SHPRH: variants seen among roughly 807,000 people sequenced by gnomAD.
SHPRH encodes the protein SNF2 histone linker PHD RING helicase.
In SHPRH, 106 loss-of-function variants were observed where a neutral mutation model predicts 202.5. That is an observed-to-expected ratio of 0.52 (90% CI 0.45 to 0.62). The LOEUF (loss-of-function observed/expected upper bound fraction) is 0.62, where lower values mean the gene tolerates loss of function less well. Among genes scored for constraint, SHPRH ranks in the 20% least tolerant of loss-of-function variants. SHPRH has a pLI of 0.00. For synonymous variants in SHPRH, 729 were observed against 686.0 expected (o/e 1.06, Z -0.98); for missense variants, 1,710 against 2,020.0 (o/e 0.85, Z 2.94).
intron 2 of SHPRH, among the ~76,000 whole-genome samples, chr6:145,873,693 GAGGA>G (rs540366997): frequency 0.075 from 7,923 of 106,226 alleles, 892 homozygotes; most frequent in African/African-American, 0.23. Flanking sequence ...ACAGTTGCTA[GAGGA>G]AGGAAGGAAG....
intron 25 of SHPRH, among the ~76,000 whole-genome samples, chr6:145,897,624 A>G (rs760380005): frequency 2.6e-5 from 4 of 152,106 alleles, no homozygotes; most frequent in Non-Finnish European, 4.4e-5. Context: ...ACATGCAAAA[A>G]TCCTCAACAA....
At position 145,955,339 on chromosome 6, in the gene SHPRH, C is replaced by T; in HGVS notation, c.-17G>A. The T allele has an allele frequency of 6.3e-7, 1 of 1,583,430 alleles. No homozygotes were observed. The highest frequency in any genetic ancestry group is 8.6e-7 in the Non-Finnish European group (1 of 1,168,332). On this transcript the variant is annotated 5_prime_UTR_variant, in exon 2 of 30. Transcript: ENST00000275233. ...GCTGCTCATTTTCAAGTTTTCTTGG[C>T]TGGTAACTGTGAACTCTAGAGGACA...
intron 23 of SHPRH, among the ~76,000 whole-genome samples, chr6:145,916,795 T>C: frequency 6.6e-6 from 1 of 152,200 alleles, no homozygotes; most frequent in Non-Finnish European, 1.5e-5. Context: ...GTTATCTTTT[T>C]TTTTTGAGAT....
chr6:145,887,934 T>C (rs539579163), intron 29 of SHPRH, 86 bp downstream of exon 29: 5 of 1,048,548 alleles, frequency 4.8e-6, no homozygotes, highest in African/African-American at 1.6e-5. Flanking sequence ...ATATTTTTCG[T>C]TGTCATCTAA....
intron 2 of SHPRH, among the ~76,000 whole-genome samples, chr6:145,868,644 C>G (rs1325933809): frequency 6.6e-6 from 1 of 152,130 alleles, no homozygotes; most frequent in Non-Finnish European, 1.5e-5. Flanking sequence ...GATAATCTAG[C>G]TTTCTTAGAA....
At chr6:145,896,838 T>A (rs1299360838) in intron 25 of SHPRH, among the ~76,000 whole-genome samples, 1 of 151,990 alleles carries the variant, frequency 6.6e-6, no homozygotes, top group African/African-American at 2.4e-5. Flanking sequence ...ATTAAAAATA[T>A]CTTGAGACAA....
At chr6:145,884,569 C>A (rs1253046625), downstream of SHPRH, 1 of 152,078 alleles carries the variant, frequency 6.6e-6, no homozygotes. Context: ...ATTTCAGAGG[C>A]TATAAAATAA....
chr6:145,873,482 T>C (rs1490815323), intron 2 of SHPRH, among the ~76,000 whole-genome samples: 1 of 152,168 alleles, frequency 6.6e-6, no homozygotes, highest in African/African-American at 2.4e-5. Flanking sequence ...TTCTGAAAGT[T>C]ACAGGAGAAG....
chr6:145,932,219 TG>T (rs1785538215), intron 14 of SHPRH, among the ~76,000 whole-genome samples: 1 of 152,172 alleles, frequency 6.6e-6, no homozygotes, highest in South Asian at 2.1e-4. Context: ...CATATTTATA[TG>T]GAAAGGTGTG....
intron 20 of SHPRH, 40 bp downstream of exon 20, chr6:145,922,244 GTT>G: frequency 6.4e-7 from 1 of 1,550,920 alleles, no homozygotes; most frequent in South Asian, 1.2e-5. Context: ...CTTGCAAAAT[GTT>G]TCATTTTCTT....
intron 11 of SHPRH, among the ~76,000 whole-genome samples, 194 bp downstream of exon 11, chr6:145,940,529 C>T (rs1008744808): frequency 1.3e-5 from 2 of 151,992 alleles, no homozygotes; most frequent in Admixed American, 1.3e-4. Context: ...TATCGGTCCT[C>T]ATATACATAA....
At chr6:145,910,965 T>C (rs1168481277) in intron 24 of SHPRH, among the ~76,000 whole-genome samples, 1 of 152,104 alleles carries the variant, frequency 6.6e-6, no homozygotes, top group Non-Finnish European at 1.5e-5. Context: ...AGAATATTAA[T>C]TTGGAGATAA....
chr6:145,866,807 A>C (rs1779800385), intron 2 of SHPRH, among the ~76,000 whole-genome samples: 1 of 152,168 alleles, frequency 6.6e-6, no homozygotes, highest in Admixed American at 6.5e-5. Flanking sequence ...GCCACCAGAG[A>C]TTCAGGGAAC....
chr6:145,945,471 C>T lies in SHPRH; in HGVS notation c.1488G>A (p.Val496=), dbSNP rs1209205772. The T allele has an allele frequency of 6.2e-7, 1 of 1,613,038 alleles. No individual in the cohort carries two copies. The highest frequency in any genetic ancestry group is 8.5e-7 in the Non-Finnish European group (1 of 1,179,534). The part of the protein sequence containing the change: ...MLKCLIFEGL[V]KQIKGHGFSG... ...AAAAACCATGGCCTTTGATCTGTTTCACGAGACCTTCAAAAATTAAACATT... is the reference window on the plus strand; with the variant it reads ...AAAAACCATGGCCTTTGATCTGTTTTACGAGACCTTCAAAAATTAAACATT... Residue 496 remains valine (V), a synonymous_variant, in exon 8 of 30, where the codon GTG becomes GTA. Coordinates refer to ENST00000275233, the MANE Select transcript of SHPRH (RefSeq NM_001042683.3).
intron 25 of SHPRH, chr6:145,905,859 T>C (rs1782914000): frequency 1.3e-5 from 2 of 152,130 alleles, no homozygotes; most frequent in African/African-American, 4.8e-5. Flanking sequence ...TCCCATACTG[T>C]CCTGCACTTC....
chr6:145,874,498 T>C (rs1780212177), intron 2 of SHPRH, among the ~76,000 whole-genome samples: 2 of 152,166 alleles, frequency 1.3e-5, no homozygotes, highest in African/African-American at 4.8e-5. Flanking sequence ...TAAGGTATAA[T>C]TGACATACAA....
At chr6:145,882,176 A>T (rs1780626817), downstream of SHPRH, among the ~76,000 whole-genome samples, 1 of 152,214 alleles carries the variant, frequency 6.6e-6, no homozygotes, top group African/African-American at 2.4e-5. Context: ...AAACTTGCTA[A>T]ATCTTCTCCT....
chr6:145,869,760 A>G (rs1779967811), intron 2 of SHPRH, among the ~76,000 whole-genome samples: 1 of 150,780 alleles, frequency 6.6e-6, no homozygotes, highest in Non-Finnish European at 1.5e-5. Flanking sequence ...AGATACTATC[A>G]GTCTTCTGAC....
chr6:145,927,029 AC>A (rs893386397), intron 15 of SHPRH, among the ~76,000 whole-genome samples, 159 bp downstream of exon 15: 56 of 152,114 alleles, frequency 3.7e-4, no homozygotes, highest in African/African-American at 1.3e-3. Flanking sequence ...ATGTTAGTGT[AC>A]ATACAAATCA....
Sources: allele counts gnomAD v4.1 joint callset (sites outside exome capture counted in the v4.1 genomes callset), GRCh38; gene constraint gnomAD v4.1.1; transcripts MANE v1.5; gene names NCBI Gene and HGNC (gene_info 2026-07-23, HGNC 2026-07-21).